Variants in KDM4B observed in about 807,000 individuals in gnomAD.
KDM4B encodes the protein lysine-specific demethylase 4B.
Under a neutral mutation model 125.2 loss-of-function variants are expected in KDM4B, and 32 were observed. The observed-to-expected ratio is 0.26, with a 90% CI of 0.19 to 0.34. The LOEUF (loss-of-function observed/expected upper bound fraction) is 0.34. Ranked by LOEUF, KDM4B falls within the 10% of genes least tolerant of loss-of-function variation. The pLI is 1.00. For synonymous variants in KDM4B, 721 were observed against 677.9 expected, an observed-to-expected ratio of 1.06 and a Z score of -0.99; for missense variants, 1,190 against 1,577.7, an observed-to-expected ratio of 0.75 and a Z score of 4.16.
Position 5,111,871 on chromosome 19 carries a change from GA to G in KDM4B, c.1115+1055del, listed in dbSNP as rs745535163. On this transcript the variant is annotated intron_variant, in intron 10 of 22. Transcript: ENST00000159111. The stretch of plus-strand genomic sequence containing the variant: ...AAGAAATGCGCGTGGCTGTGTCCGT[GA>G]AGCTTTGTTTACAGACCCTGAAATC... 5 of 761,014 alleles carry G rather than the reference GA, an allele frequency of 6.6e-6. No individual in the cohort carries two copies. The East Asian group carries it at 1.2e-4, about 19-fold the overall frequency. 47.1% of individuals were successfully genotyped at this position (761,014 alleles called of 1,614,324 possible).
At chr19:5,075,284 G>A (rs1599561680) in intron 7 of KDM4B, 1 of 152,420 alleles carries the variant, frequency 6.6e-6, no homozygotes, top group East Asian at 1.9e-4. Context: ...TTGGTTCCGG[G>A]GGCCCGGCTG....
intron 1 of KDM4B, among the ~76,000 whole-genome samples, chr19:4,989,136 T>A (rs1038204976): frequency 9.2e-5 from 14 of 152,120 alleles, no homozygotes; most frequent in Non-Finnish European, 1.8e-4. Context: ...GCTGAAGTGG[T>A]AGAGGTGAGT....
chr19:5,059,947 C>T (rs1008101303), intron 6 of KDM4B, among the ~76,000 whole-genome samples: 2 of 152,230 alleles, frequency 1.3e-5, no homozygotes, highest in South Asian at 2.1e-4. Context: ...GCACATCAGC[C>T]CTGGTGCCCA....
rs1257653695 is a variant in KDM4B, at chr19:5,019,102, AGGTGTTGGTGTG to A, written c.-26+2777_-26+2788del. 4.9e-3 allele frequency among the ~76,000 whole-genome samples: 614 copies of A among 124,442 alleles called. 3 individuals are homozygous for A. Among genetic ancestry groups the A allele is most frequent in the Middle Eastern group, 9.5e-3 (2 of 210 alleles). The allele number at this position is 124,442 out of a possible 152,430, so 81.6% of individuals were successfully genotyped here. ...GGTGCTGGTGTGGACGTTGGTGTGCAGGTGTTGGTGTGGGTGTTGGTGTGGATGTTGGTGTGC... is the reference window on the plus strand; with the variant it reads ...GGTGCTGGTGTGGACGTTGGTGTGCAGGTGTTGGTGTGGATGTTGGTGTGC... On this transcript the variant is annotated intron_variant, in intron 2 of 22. Coordinates refer to ENST00000159111, the MANE Select transcript of KDM4B (RefSeq NM_015015.3).
At chr19:5,080,297 C>A (rs2038250088) in intron 8 of KDM4B, among the ~76,000 whole-genome samples, 1 of 152,222 alleles carries the variant, frequency 6.6e-6, no homozygotes, top group African/African-American at 2.4e-5. Context: ...TTATTGGCGA[C>A]TTCAGTGTAT....
intron 7 of KDM4B, chr19:5,074,571 A>G (rs2038042732): frequency 6.6e-6 from 1 of 152,278 alleles, no homozygotes. Flanking sequence ...TGCATTAAAA[A>G]GAGGAACTGC....
intron 3 of KDM4B, among the ~76,000 whole-genome samples, chr19:5,037,639 C>T (rs750321611): frequency 1.3e-5 from 2 of 152,200 alleles, no homozygotes; most frequent in African/African-American, 2.4e-5. Context: ...TGTTTCTCTT[C>T]GCTTGGCACT....
intron 6 of KDM4B, among the ~76,000 whole-genome samples, chr19:5,051,037 A>G (rs2037205176): frequency 6.6e-6 from 1 of 152,208 alleles, no homozygotes; most frequent in South Asian, 2.1e-4. Flanking sequence ...CACCTGTGGC[A>G]GCCCCTGCAG....
At chr19:5,099,202 C>A (rs975591575) in intron 9 of KDM4B, among the ~76,000 whole-genome samples, 4 of 152,166 alleles carry the variant, frequency 2.6e-5, no homozygotes, top group African/African-American at 9.7e-5. Flanking sequence ...CAGGTCTGTG[C>A]AAATACCCCA....
rs150112342 is a variant in KDM4B, at chr19:4,991,953, C to T, written c.-109+22723C>T. Among the ~76,000 whole-genome samples the T allele has an allele frequency of 3.8e-4, 58 of 152,214 alleles. No individual in the cohort carries two copies. In the East Asian group the frequency reaches 5.6e-3, roughly 15 times the overall value. On this transcript the variant is annotated intron_variant, in intron 1 of 22. Transcript: ENST00000159111. ...TTTTATTACTCAGTAGTTCTCCATA[C>T]GGGTGTTGTTTTCTCATTCTGCTTA...
chr19:5,022,089 C>T (rs1433175084), intron 2 of KDM4B, among the ~76,000 whole-genome samples: 1 of 152,176 alleles, frequency 6.6e-6, no homozygotes, highest in Admixed American at 6.5e-5. Context: ...GAGCTTGGAT[C>T]AAACTGTTGG....
At chr19:5,037,556 C>T (rs1259256932) in intron 3 of KDM4B, among the ~76,000 whole-genome samples, 3 of 152,306 alleles carry the variant, frequency 2.0e-5, no homozygotes, top group Non-Finnish European at 4.4e-5. Context: ...GGAGAGTCTC[C>T]AGAAAGAGCC....
At chr19:4,987,197 G>A (rs941462683) in intron 1 of KDM4B, among the ~76,000 whole-genome samples, 2 of 152,172 alleles carry the variant, frequency 1.3e-5, no homozygotes, top group Admixed American at 6.5e-5. Flanking sequence ...GACCTCAGGT[G>A]ATCTGCTCTC....
At chr19:5,036,283 C>T (rs934775571) in intron 3 of KDM4B, among the ~76,000 whole-genome samples, 2 of 152,222 alleles carry the variant, frequency 1.3e-5, no homozygotes, top group East Asian at 1.9e-4. Context: ...GGTTATACAT[C>T]GCCCCTGCCC....
At chr19:5,043,955 G>A (rs527736737) in intron 5 of KDM4B, among the ~76,000 whole-genome samples, 4 of 138,934 alleles carry the variant, frequency 2.9e-5, no homozygotes, top group Non-Finnish European at 6.1e-5. Flanking sequence ...ACTGTATCCC[G>A]CGTGGTGGTT....
At chr19:5,068,253 CCT>C (rs1568272948) in intron 6 of KDM4B, among the ~76,000 whole-genome samples, 1 of 152,182 alleles carries the variant, frequency 6.6e-6, no homozygotes, top group Non-Finnish European at 1.5e-5. Context: ...CCGAAGGCTC[CCT>C]GAGTCTCTTG....
At chr19:5,090,636 C>A (rs1163982810) in intron 9 of KDM4B, among the ~76,000 whole-genome samples, 1 of 110,782 alleles carries the variant, frequency 9.0e-6, no homozygotes, top group African/African-American at 3.7e-5. Context: ...TGCGCGCGTG[C>A]GCCCCCCTCC....
At position 5,082,590 on chromosome 19, in the gene KDM4B, C is replaced by T. The variant is rs1210891737; in HGVS notation, c.918+86C>T. ...CTGCAGCCACACGCCCATAGCTGGT[C>T]CAGCAGCCGTTTCGCTCAGCCCAGG... On this transcript the variant is annotated intron_variant, in intron 9 of 22. Transcript: ENST00000159111. This position sits in a 1 kb window ranked among gnomAD's most constrained non-coding sequence, Gnocchi z 5.4. 1.4e-6 allele frequency: 2 copies of T among 1,429,604 alleles called. No individual in the cohort carries two copies. The highest frequency in any genetic ancestry group is 4.7e-5 in the Admixed American group (2 of 42,788). 88.6% of individuals were successfully genotyped at this position (1,429,604 alleles called of 1,614,324 possible). A position where few individuals can be genotyped will look rare whatever the true frequency, so the allele number is the denominator to read the frequency against.
In KDM4B at chr19:5,027,851, T is replaced by C. The variant is rs2036329582; in HGVS notation, c.-25-5015T>C. Among the ~76,000 whole-genome samples the C allele has an allele frequency of 2.6e-5, 4 of 152,326 alleles. No homozygotes were observed. In the South Asian group the frequency reaches 8.3e-4, roughly 32 times the overall value. ...CCACCGCACCCAGCCTTCTTTTTAA[T>C]TTTTTTGCTAAGAGCTTTATTAGAT... On this transcript the variant is annotated intron_variant, in intron 2 of 22. Transcript: ENST00000159111.
Sources: allele counts gnomAD v4.1 joint callset (sites outside exome capture counted in the v4.1 genomes callset), GRCh38; gene constraint gnomAD v4.1.1; non-coding constraint Gnocchi (gnomAD v3.1); transcripts MANE v1.5; gene names NCBI Gene and HGNC (gene_info 2026-07-23, HGNC 2026-07-21).